The following FN1 variants were observed in gnomAD, a reference collection of about 807,000 sequenced individuals.
FN1 encodes the protein fibronectin.
A neutral mutation model predicts 297.3 loss-of-function variants in FN1; 106 were observed. The observed-to-expected ratio is 0.36, with a 90% confidence interval of 0.30 to 0.42. The LOEUF is 0.42. Among genes scored for constraint, FN1 ranks in the 10% least tolerant of loss-of-function variants. FN1 has a pLI of 1.00. For missense variants in FN1, 2,690 were observed against 3,124.9 expected, an observed-to-expected ratio of 0.86 and a Z score of 3.32; for synonymous variants, 1,149 against 1,152.6, an observed-to-expected ratio of 1.00 and a Z score of 0.06.
intron 31 of FN1, 65 bp downstream of exon 31, chr2:215,383,263 C>G: frequency 6.6e-7 from 1 of 1,516,066 alleles, no homozygotes; most frequent in South Asian, 1.1e-5. Flanking sequence ...CCGCATCAGC[C>G]TCCCAAAGTT....
In FN1 at chr2:215,394,656, T is replaced by G; in HGVS notation, c.3668A>C (p.Glu1223Ala). Residue 1223 changes from glutamate (E) to alanine (A), a missense_variant, in exon 24 of 46, where the codon GAA becomes GCA. By Grantham distance (107) the Glu-to-Ala change is moderately radical. This residue lies in a region of FN1 where 1,743 missense variants were observed against 1,945.2 expected (regional missense o/e 0.90). Transcript: ENST00000354785. ...TNGQQGNSLEEVVHADQSSCT... is the reference protein window; with the variant it reads ...TNGQQGNSLEAVVHADQSSCT... ...GGAGCTCTGATCAGCATGGACCACTTCTTCCAAAGAATTTCCCTGCTGGCC... is the reference window on the plus strand; with the variant it reads ...GGAGCTCTGATCAGCATGGACCACTGCTTCCAAAGAATTTCCCTGCTGGCC... The G allele has an allele frequency of 6.2e-7, 1 of 1,614,150 alleles. No individual in the cohort carries two copies. The highest frequency in any genetic ancestry group is 2.2e-5 in the East Asian group (1 of 44,884).
At position 215,426,241 on chromosome 2, in the gene FN1, C is replaced by T. The variant is rs569852930; in HGVS notation, c.845-956G>A. On this transcript the variant is annotated intron_variant, in intron 6 of 45. Transcript: ENST00000354785. ...TCGGCTCACTGCAAGCTCTGCCTCC[C>T]GGGTTCACGCCATTCTCCTGCCTCA... 2.6e-4 allele frequency among the ~76,000 whole-genome samples: 38 copies of T among 147,294 alleles called. No individual in the cohort carries two copies. The South Asian group carries it at 7.6e-3, about 29-fold the overall frequency.
At chr2:215,386,991 A>G (rs764889132) in intron 27 of FN1, 33 bp from the exon 28 acceptor site, 7 of 1,585,924 alleles carry the variant, frequency 4.4e-6, no homozygotes, top group African/African-American at 1.4e-5. Flanking sequence ...GAAGAGAAAA[A>G]AAAAAGAAAA....
At chr2:215,414,769 A>C (rs748923476) in intron 13 of FN1, 68 bp downstream of exon 13, 21 of 1,601,896 alleles carry the variant, frequency 1.3e-5, no homozygotes, top group Non-Finnish European at 1.4e-5. Context: ...AGCTGGGAAA[A>C]AAAGAAACCA....
chr2:215,429,670 T>C (rs1191931902), intron 5 of FN1, among the ~76,000 whole-genome samples: 1 of 152,238 alleles, frequency 6.6e-6, no homozygotes, highest in Non-Finnish European at 1.5e-5. Flanking sequence ...TACTGTGTTT[T>C]GCAGATGATA....
In FN1 at chr2:215,405,295, GA is replaced by G. The variant is rs2061628933; in HGVS notation, c.2987-641del. On this transcript the variant is annotated intron_variant, in intron 19 of 45. Coordinates refer to ENST00000354785, the MANE Select transcript of FN1 (RefSeq NM_212482.4). ...AATTTAAATTACCTTTCAAATAGAG[GA>G]AATCTTTAAGAGGCAGTCGAGTATA... Among the ~76,000 whole-genome samples, 3 of 152,286 alleles carry G rather than the reference GA, an allele frequency of 2.0e-5. 1 individual carries two copies. In the South Asian group the frequency reaches 6.2e-4, roughly 32 times the overall value.
intron 26 of FN1, among the ~76,000 whole-genome samples, chr2:215,390,526 A>AG (rs1433386077): frequency 6.6e-5 from 10 of 152,234 alleles, no homozygotes; most frequent in Admixed American, 6.5e-4. Flanking sequence ...CTTTGCTAGG[A>AG]GGGAGAGGGG....
chr2:215,390,436 C>T (rs2059587685), intron 26 of FN1, among the ~76,000 whole-genome samples: 1 of 152,178 alleles, frequency 6.6e-6, no homozygotes, highest in Non-Finnish European at 1.5e-5. Flanking sequence ...TGGCCCACCT[C>T]AGCCTCCCAA....
chr2:215,431,286 C>T (rs2066466081), intron 4 of FN1, among the ~76,000 whole-genome samples: 1 of 152,020 alleles, frequency 6.6e-6, no homozygotes, highest in African/African-American at 2.4e-5. Context: ...CAATACAAAA[C>T]AAGACAAAAA....
chr2:215,397,769 A>T lies in FN1; in HGVS notation c.3428T>A (p.Leu1143Ter). 6.2e-7 allele frequency: 1 copy of T among 1,614,036 alleles called. No individual in the cohort carries two copies. The highest frequency in any genetic ancestry group is 8.5e-7 in the Non-Finnish European group (1 of 1,179,934). Residue 1143 changes from leucine (L) to a stop codon, truncating the protein, a stop_gained, in exon 22 of 46, where the codon TTG becomes TAG. Coordinates refer to ENST00000354785, the MANE Select transcript of FN1 (RefSeq NM_212482.4). LOFTEE classifies it high-confidence loss of function. The stretch of plus-strand genomic sequence containing the variant: ...GTAGACGTATTCTACTCCTGGAGTC[A>T]AGCCGGACACAACGATGCTTCCTGA... ...SDSGSIVVSG[L>*]TPGVEYVYTI... is the part of the protein sequence containing the mutation.
At chr2:215,401,263 G>GAAAGGA (rs1553629804) in intron 20 of FN1, among the ~76,000 whole-genome samples, 1 of 74,082 alleles carries the variant, frequency 1.3e-5, no homozygotes, top group African/African-American at 6.9e-5. Context: ...AGAAAGAAAG[G>GAAAGGA]AAGGAAAGGA....
At chr2:215,384,746 C>T (rs577621487) in intron 29 of FN1, 114 bp downstream of exon 29, 5 of 779,408 alleles carry the variant, frequency 6.4e-6, no homozygotes, top group East Asian at 5.0e-5. Context: ...ACAAGGGCTC[C>T]GTTGAATGGA....
intron 12 of FN1, 83 bp from the exon 13 acceptor site, chr2:215,415,041 A>G: frequency 1.2e-5 from 13 of 1,057,386 alleles, no homozygotes; most frequent in Non-Finnish European, 1.8e-5. Flanking sequence ...AGTCATCATT[A>G]TAAACAGCTT....
rs201846401 is a variant in FN1, at chr2:215,404,425, G to T, written c.3217C>A (p.Gln1073Lys). Residue 1073 changes from glutamine to lysine, a missense_variant, in exon 20 of 46, where the codon CAA (glutamine) becomes AAA (lysine). Gln to Lys is a moderately conservative substitution (Grantham distance 53). Transcript: ENST00000354785. ...TVSLVAIKGNQESPKATGVFT... is the reference protein window; with the variant it reads ...TVSLVAIKGNKESPKATGVFT... ...ACTCCAGTGGCTTTGGGGCTCTCTT[G>T]GTTGCCCTTTATGGCCACGAGGGAT... 1 of 1,613,920 alleles carries T rather than the reference G, an allele frequency of 6.2e-7. No homozygotes were observed. Among genetic ancestry groups the T allele is most frequent in the Admixed American group, 1.7e-5 (1 of 59,992 alleles).
At chr2:215,421,069 T>A (rs958027709) in intron 10 of FN1, 1 of 419,980 alleles carries the variant, frequency 2.4e-6, no homozygotes, top group African/African-American at 2.0e-5. Context: ...AAAATACACT[T>A]TCCTGTGAGA....
At position 215,375,639 on chromosome 2, in the gene FN1, G is replaced by A. The variant is rs749513832; in HGVS notation, c.5967C>T (p.Asp1989=). The change falls in exon 37 of 46, where the codon GAC becomes GAT. Residue 1989 remains aspartate, a synonymous_variant. Transcript: ENST00000354785. ...AGAAGGTATAGTTACCAGTGGAGGC[G>A]TCGATGACCACAGGGGAGCTCCGAG... The part of the protein sequence containing the change: ...DNARSSPVVI[D]ASTAIDAPSN... 5.6e-6 allele frequency: 9 copies of A among 1,608,620 alleles called. No individual in the cohort carries two copies. Among genetic ancestry groups the A allele is most frequent in the South Asian group, 2.2e-5 (2 of 90,964 alleles).
chr2:215,389,860 C>G (rs1490932510), intron 26 of FN1, among the ~76,000 whole-genome samples: 1 of 152,150 alleles, frequency 6.6e-6, no homozygotes, highest in Non-Finnish European at 1.5e-5. Context: ...AAGCTATAAG[C>G]TATGTGGTCT....
chr2:215,370,939 C>T (rs2055900806), intron 40 of FN1, among the ~76,000 whole-genome samples: 2 of 152,134 alleles, frequency 1.3e-5, no homozygotes, highest in African/African-American at 4.8e-5. Flanking sequence ...TAAATTCTGC[C>T]ACTTTCTAAA....
intron 26 of FN1, among the ~76,000 whole-genome samples, chr2:215,389,512 A>G (rs1180562263): frequency 6.6e-6 from 1 of 152,118 alleles, no homozygotes; most frequent in African/African-American, 2.4e-5. Flanking sequence ...GTGTACCTAC[A>G]CAAACCTAGA....
Sources: allele counts gnomAD v4.1 joint callset (sites outside exome capture counted in the v4.1 genomes callset), GRCh38; gene constraint gnomAD v4.1.1; regional missense constraint gnomAD v4.1.1; transcripts MANE v1.5; gene names NCBI Gene and HGNC (gene_info 2026-07-23, HGNC 2026-07-21).